FAM3C: variants seen among roughly 807,000 people sequenced by gnomAD.
The protein encoded by FAM3C is FAM3 metabolism regulating signaling molecule C, also known as protein FAM3C.
A neutral mutation model predicts 32.5 loss-of-function variants in FAM3C; 15 were observed. That is an observed-to-expected ratio of 0.46 (90% confidence interval 0.31 to 0.71). FAM3C has a LOEUF of 0.71. Ranked by LOEUF, FAM3C falls within the 30% of genes least tolerant of loss-of-function variation. The pLI, the probability that FAM3C is intolerant of heterozygous loss-of-function variation, is 0.05. For missense variants in FAM3C, 175 were observed against 274.4 expected, an observed-to-expected ratio of 0.64 and a Z score of 2.56; for synonymous variants, 75 against 86.1, an observed-to-expected ratio of 0.87 and a Z score of 0.72.
intron 5 of FAM3C, among the ~76,000 whole-genome samples, chr7:121,368,856 C>T (rs1043929981): frequency 1.3e-5 from 2 of 151,910 alleles, no homozygotes; most frequent in African/African-American, 4.8e-5. Context: ...GTTCCATAAC[C>T]CTCAATCTAA....
chr7:121,350,644 T>G (rs1793685626), intron 9 of FAM3C, 94 bp from the exon 10 acceptor site: 1 of 1,262,626 alleles, frequency 7.9e-7, no homozygotes, highest in South Asian at 1.3e-5. Flanking sequence ...TCAGTAATAC[T>G]CATGTCAACA....
chr7:121,364,380 C>T (rs2536162), intron 5 of FAM3C, 192 bp from the exon 6 acceptor site: 6,364 of 474,878 alleles, frequency 0.013, 367 homozygotes, highest in African/African-American at 0.12. Context: ...AAAGCAATGT[C>T]CTTAAATAAT....
rs1052988087 is a variant in FAM3C at position 121,373,330 on chromosome 7, C to T, written c.119-1191G>A. On this transcript the variant is annotated intron_variant, in intron 3 of 9. Coordinates refer to ENST00000359943, the MANE Select transcript of FAM3C (RefSeq NM_014888.3). Reference sequence around the variant, plus strand: ...AGAAAGCTCATTTTTATCCAATACACATCAAAATCAAAAGCCCTGTACTAA... The same window carrying T: ...AGAAAGCTCATTTTTATCCAATACATATCAAAATCAAAAGCCCTGTACTAA... Among the ~76,000 whole-genome samples, 3 of 152,166 alleles carry T rather than the reference C, an allele frequency of 2.0e-5. No individual in the cohort carries two copies. The South Asian group carries it at 6.2e-4, about 31-fold the overall frequency.
chr7:121,395,386 T>C (rs1200654004), intron 1 of FAM3C, among the ~76,000 whole-genome samples: 1 of 151,302 alleles, frequency 6.6e-6, no homozygotes, highest in Non-Finnish European at 1.5e-5. Flanking sequence ...GGTTTCACCA[T>C]GTTGGCCAAA....
At chr7:121,380,308 A>C (rs1794323500) in intron 2 of FAM3C, 1 of 152,174 alleles carries the variant, frequency 6.6e-6, no homozygotes, top group African/African-American at 2.4e-5. Context: ...AAAACTGAAA[A>C]ATTAAAATAT....
Position 121,349,644 on chromosome 7 carries a change from T to G in FAM3C, c.*817A>C, listed in dbSNP as rs540942710. 1 of 152,400 alleles carries G rather than the reference T, an allele frequency of 6.6e-6. No homozygotes were observed. The highest frequency in any genetic ancestry group is 1.5e-5 in the Non-Finnish European group (1 of 68,018). The allele number at this position is 152,400 out of a possible 1,614,324, so 9.4% of individuals were successfully genotyped here. ...GCTGATAACAATTAAGAAAAACGTA[T>G]GCTAGTATTGCTCTAAATATACTGA... On this transcript the variant is annotated 3_prime_UTR_variant, in exon 10 of 10. Coordinates refer to ENST00000359943, the MANE Select transcript of FAM3C (RefSeq NM_014888.3).
At chr7:121,360,021 A>C (rs776440506) in intron 8 of FAM3C, 22 bp downstream of exon 8, 1 of 1,207,106 alleles carries the variant, frequency 8.3e-7, no homozygotes, top group Non-Finnish European at 1.2e-6. Context: ...TAGTTCCAAA[A>C]AGTTCTGTAA....
intron 7 of FAM3C, chr7:121,362,648 T>TA (rs1455947379): frequency 2.8e-5 from 12 of 427,544 alleles, no homozygotes; most frequent in East Asian, 4.5e-5. Context: ...TGACTTTTTT[T>TA]AAAAAAATCT....
At chr7:121,371,830 G>T (rs976486785) in intron 4 of FAM3C, among the ~76,000 whole-genome samples, 4 of 152,028 alleles carry the variant, frequency 2.6e-5, no homozygotes, top group African/African-American at 9.7e-5. Flanking sequence ...AATTAAAAAA[G>T]GCCTAATGTT....
chr7:121,361,192 A>C (rs1793912853), intron 7 of FAM3C, among the ~76,000 whole-genome samples: 1 of 152,196 alleles, frequency 6.6e-6, no homozygotes, highest in African/African-American at 2.4e-5. Context: ...TCTAAAAACC[A>C]CTTGACATCT....
intron 8 of FAM3C, 130 bp downstream of exon 8, chr7:121,359,913 A>G (rs1276991485): frequency 8.1e-6 from 5 of 619,808 alleles, no homozygotes; most frequent in Non-Finnish European, 8.6e-6. Flanking sequence ...AGTAAAAACA[A>G]AAATTGTTAG....
At chr7:121,392,489 C>T (rs564393381) in intron 1 of FAM3C, among the ~76,000 whole-genome samples, 1 of 152,312 alleles carries the variant, frequency 6.6e-6, no homozygotes, top group African/African-American at 2.4e-5. Flanking sequence ...ATGATGCAAT[C>T]ACTTCCCTCC....
At chr7:121,367,225 A>G (rs988299913) in intron 5 of FAM3C, among the ~76,000 whole-genome samples, 1 of 152,288 alleles carries the variant, frequency 6.6e-6, no homozygotes, top group African/African-American at 2.4e-5. Context: ...GGAAATGATT[A>G]TATCATCTGT....
chr7:121,374,137 A>G (rs775776444), intron 3 of FAM3C, among the ~76,000 whole-genome samples: 1 of 152,226 alleles, frequency 6.6e-6, no homozygotes, highest in Non-Finnish European at 1.5e-5. Flanking sequence ...AATGCTGAAT[A>G]AGATTGGTGA....
intron 8 of FAM3C, among the ~76,000 whole-genome samples, chr7:121,351,939 C>T (rs1793714882): frequency 6.6e-6 from 1 of 152,020 alleles, no homozygotes; most frequent in Non-Finnish European, 1.5e-5. Flanking sequence ...AGTGATCATC[C>T]TAATGGTCAA....
chr7:121,359,976 T>A, intron 8 of FAM3C, 67 bp downstream of exon 8: 1 of 870,300 alleles, frequency 1.1e-6, no homozygotes, highest in Non-Finnish European at 1.9e-6. Flanking sequence ...GATTTTTTTT[T>A]AATGAAAATG....
chr7:121,395,858 G>A (rs1247248187), intron 1 of FAM3C, among the ~76,000 whole-genome samples: 1 of 151,884 alleles, frequency 6.6e-6, no homozygotes, highest in East Asian at 2.0e-4. Context: ...GCCCGCCCCA[G>A]GCCGGGGCGC....
chr7:121,374,416 C>T (rs538287640), intron 3 of FAM3C, among the ~76,000 whole-genome samples: 1 of 151,618 alleles, frequency 6.6e-6, no homozygotes, highest in East Asian at 1.9e-4. Flanking sequence ...AAAATAATAC[C>T]ATATAATAAA....
chr7:121,394,315 T>C (rs1327536704), intron 1 of FAM3C, among the ~76,000 whole-genome samples: 2 of 152,242 alleles, frequency 1.3e-5, no homozygotes, highest in Non-Finnish European at 2.9e-5. Flanking sequence ...CAATTTCCTT[T>C]TCCTTTTTAA....
Sources: gnomAD v4.1 joint callset for allele counts (sites outside exome capture counted in the v4.1 genomes callset) on GRCh38, gnomAD v4.1.1 for gene constraint, MANE v1.5 for transcripts, NCBI Gene and HGNC (gene_info 2026-07-23, HGNC 2026-07-21) for gene names.